The following KDM1B variants were observed in gnomAD, a reference collection of about 807,000 sequenced individuals.
KDM1B encodes the protein lysine-specific histone demethylase 2.
A neutral mutation model predicts 107.4 loss-of-function variants in KDM1B; 63 were observed. The observed-to-expected ratio is 0.59, with a 90% CI of 0.48 to 0.72. The LOEUF (loss-of-function observed/expected upper bound fraction) is 0.72. Ranked by LOEUF, KDM1B falls within the 30% of genes least tolerant of loss-of-function variation. KDM1B has a pLI of 0.00. For synonymous variants in KDM1B, 363 were observed against 363.9 expected (o/e 1.00, Z 0.03); for missense variants, 749 against 1,020.8 (o/e 0.73, Z 3.63).
chr6:18,165,162 C>G (rs1219542113), intron 5 of KDM1B, among the ~76,000 whole-genome samples: 2 of 83,058 alleles, frequency 2.4e-5, no homozygotes, highest in Non-Finnish European at 4.3e-5. Flanking sequence ...GAGACAGAAT[C>G]TTACTCTGTC....
intron 7 of KDM1B, among the ~76,000 whole-genome samples, chr6:18,177,970 T>C (rs1786140303): frequency 6.6e-6 from 1 of 152,192 alleles, no homozygotes; most frequent in Non-Finnish European, 1.5e-5. Flanking sequence ...TTGAGGTTAA[T>C]GTCTCCCAAC....
chr6:18,198,507 G>A (rs988461915), intron 12 of KDM1B, among the ~76,000 whole-genome samples: 4 of 151,866 alleles, frequency 2.6e-5, no homozygotes, highest in African/African-American at 9.7e-5. Context: ...GGGATTACAG[G>A]TGCGAGCCAC....
chr6:18,206,172 A>G (rs1340884289), intron 15 of KDM1B, among the ~76,000 whole-genome samples: 2 of 150,504 alleles, frequency 1.3e-5, no homozygotes, highest in Non-Finnish European at 3.0e-5. Flanking sequence ...TTTTTAAGCA[A>G]GAGAAACTCT....
At position 18,204,714 on chromosome 6, in the gene KDM1B, A is replaced by C. The variant is rs112298915; in HGVS notation, c.1532-823A>C. Among the ~76,000 whole-genome samples, 2,966 of 146,858 alleles carry C rather than the reference A, an allele frequency of 0.02. 46 individuals are homozygous for C. The highest frequency in any genetic ancestry group is 0.024 in the Non-Finnish European group (1,644 of 67,980). On this transcript the variant is annotated intron_variant, in intron 14 of 21. Coordinates refer to ENST00000650836, the MANE Select transcript of KDM1B (RefSeq NM_001364614.2). The surrounding 1 kb of genome is among the most constrained non-coding windows in gnomAD (Gnocchi z 4.9). ...CAAGGTCCGGTTGAGTGGGACAGAT[A>C]AGTAAGGGCTGGAGTTGATGACAGG...
At chr6:18,184,860 C>T (rs9477656) in intron 7 of KDM1B, among the ~76,000 whole-genome samples, 13,444 of 148,762 alleles carry the variant, frequency 0.09, 1,841 homozygotes, top group African/African-American at 0.3. Context: ...TTCAGCCTCC[C>T]GAGTAGTTGG....
At chr6:18,182,928 C>T (rs370439928) in intron 7 of KDM1B, among the ~76,000 whole-genome samples, 6 of 152,262 alleles carry the variant, frequency 3.9e-5, no homozygotes, top group Admixed American at 2.0e-4. Context: ...TACTTTTAAA[C>T]ATTTACTGTT....
At chr6:18,221,104 C>T (rs1252548811) in intron 21 of KDM1B, among the ~76,000 whole-genome samples, 1 of 152,036 alleles carries the variant, frequency 6.6e-6, no homozygotes, top group Non-Finnish European at 1.5e-5. Flanking sequence ...CCACTAGTCA[C>T]TATATTCCTG....
chr6:18,223,035 A>T lies in KDM1B; in HGVS notation c.*1043A>T, dbSNP rs574769755. On this transcript the variant is annotated 3_prime_UTR_variant, in exon 22 of 22. Transcript: ENST00000650836. ...AAGTATTTACTTTTATCTTTTTTTT[A>T]AAAACACTCATGACAGAAAACAGTT... 2.0e-5 allele frequency: 3 copies of T among 152,574 alleles called. No individual in the cohort carries two copies. The highest frequency in any genetic ancestry group is 2.1e-4 in the South Asian group (1 of 4,822). The allele number at this position is 152,574 out of a possible 1,614,324, so 9.5% of individuals were successfully genotyped here.
rs1788229221 is a variant in KDM1B at position 18,204,288 on chromosome 6, C to T, written c.1532-1249C>T. Among the ~76,000 whole-genome samples, 1 of 151,988 alleles carries T rather than the reference C, an allele frequency of 6.6e-6. No individual in the cohort carries two copies. Among genetic ancestry groups the T allele is most frequent in the Non-Finnish European group, 1.5e-5 (1 of 67,998 alleles). On this transcript the variant is annotated intron_variant, in intron 14 of 21. Transcript: ENST00000650836. This position sits in a 1 kb window ranked among gnomAD's most constrained non-coding sequence, Gnocchi z 4.9. ...TTTCTTGAGCTCAGGAGTTTGAGAC[C>T]AGCCTGGGCAACATGGTGAAACCCA...
At chr6:18,177,274 G>C (rs569107672) in intron 7 of KDM1B, among the ~76,000 whole-genome samples, 1 of 152,106 alleles carries the variant, frequency 6.6e-6, no homozygotes, top group South Asian at 2.1e-4. Context: ...TAGTAGCCTC[G>C]AATGATCTTT....
chr6:18,205,501 G>A lies in KDM1B; in HGVS notation c.1532-36G>A. The stretch of plus-strand genomic sequence containing the variant: ...GAAAGAATTGGAGAATCTTGTTAAA[G>A]CTATTTTTTTCTGCTTTGATCCATT... On this transcript the variant is annotated intron_variant, in intron 14 of 21. Transcript: ENST00000650836. This position sits in a 1 kb window ranked among gnomAD's most constrained non-coding sequence, Gnocchi z 5.7. 1 of 1,537,102 alleles carries A rather than the reference G, an allele frequency of 6.5e-7. No homozygotes were observed. Among genetic ancestry groups the A allele is most frequent in the Non-Finnish European group, 8.8e-7 (1 of 1,140,024 alleles).
chr6:18,193,619 A>G (rs1247327504), intron 10 of KDM1B, among the ~76,000 whole-genome samples: 1 of 151,886 alleles, frequency 6.6e-6, no homozygotes, highest in Non-Finnish European at 1.5e-5. Flanking sequence ...GATTTTTTTT[A>G]AACTTCATGA....
intron 12 of KDM1B, among the ~76,000 whole-genome samples, chr6:18,199,637 T>G (rs1050370227): frequency 2.0e-5 from 3 of 151,694 alleles, no homozygotes; most frequent in African/African-American, 7.3e-5. Flanking sequence ...TAAAATAGCC[T>G]GGGTATGAGA....
Position 18,174,706 on chromosome 6 carries a change from A to G in KDM1B, c.534+3227A>G, listed in dbSNP as rs145233014. On this transcript the variant is annotated intron_variant, in intron 7 of 21. Transcript: ENST00000650836. ...AGCTTCCACATATCAGTGAGAACAT[A>G]TGGTGTTTGGTTTTCCATTCCTGAG... Among the ~76,000 whole-genome samples, 21 of 151,972 alleles carry G rather than the reference A, an allele frequency of 1.4e-4. No homozygotes were observed. The East Asian group carries it at 3.9e-3, about 28-fold the overall frequency.
Position 18,214,934 on chromosome 6 carries a change from AC to A in KDM1B, c.2110-72del. 3.6e-6 allele frequency: 5 copies of A among 1,403,342 alleles called. No individual in the cohort carries two copies. The highest frequency in any genetic ancestry group is 4.7e-6 in the Non-Finnish European group (5 of 1,053,014). The allele number at this position is 1,403,342 out of a possible 1,614,324, so 86.9% of individuals were successfully genotyped here. ...CATTTAAAACAAAACAAAACAAAAA[AC>A]AAAAAAAAGAGGCCCTTATCTGTGG... On this transcript the variant is annotated intron_variant, in intron 19 of 21. Coordinates refer to ENST00000650836, the MANE Select transcript of KDM1B (RefSeq NM_001364614.2). The surrounding 1 kb of genome is among the most constrained non-coding windows in gnomAD (Gnocchi z 4.4).
chr6:18,158,480 T>C (rs1453717474), intron 2 of KDM1B, among the ~76,000 whole-genome samples: 1 of 152,166 alleles, frequency 6.6e-6, no homozygotes, highest in Non-Finnish European at 1.5e-5. Flanking sequence ...CTCACAAATA[T>C]GAAACAATAG....
At position 18,205,523 on chromosome 6, in the gene KDM1B, C is replaced by T; in HGVS notation, c.1532-14C>T. The T allele has an allele frequency of 6.5e-7, 1 of 1,545,844 alleles. No homozygotes were observed. The highest frequency in any genetic ancestry group is 1.2e-5 in the South Asian group (1 of 83,892). On this transcript the variant is annotated splice_polypyrimidine_tract_variant and intron_variant, in intron 14 of 21. Transcript: ENST00000650836. This position sits in a 1 kb window ranked among gnomAD's most constrained non-coding sequence, Gnocchi z 5.7. ...AAAGCTATTTTTTTCTGCTTTGATCCATTCCCATTACAGAAAAGATAGAAG... is the reference window on the plus strand; with the variant it reads ...AAAGCTATTTTTTTCTGCTTTGATCTATTCCCATTACAGAAAAGATAGAAG...
At chr6:18,180,014 C>T (rs1230991999) in intron 7 of KDM1B, among the ~76,000 whole-genome samples, 2 of 149,460 alleles carry the variant, frequency 1.3e-5, no homozygotes, top group Non-Finnish European at 1.5e-5. Flanking sequence ...CAGGTGTGTG[C>T]CACTGTGCTT....
At chr6:18,194,864 A>G (rs190386592) in intron 10 of KDM1B, among the ~76,000 whole-genome samples, 3 of 152,288 alleles carry the variant, frequency 2.0e-5, no homozygotes, top group Admixed American at 2.0e-4. Flanking sequence ...TATATAATGT[A>G]TAACCATCAC....
Sources: gnomAD v4.1 joint callset for allele counts (sites outside exome capture counted in the v4.1 genomes callset) on GRCh38, gnomAD v4.1.1 for gene constraint, Gnocchi (gnomAD v3.1) non-coding constraint, MANE v1.5 for transcripts, NCBI Gene and HGNC (gene_info 2026-07-23, HGNC 2026-07-21) for gene names.